RPGRIP1: variants seen among roughly 807,000 people sequenced by gnomAD.
The protein encoded by RPGRIP1 is RPGR interacting protein 1, also known as X-linked retinitis pigmentosa GTPase regulator-interacting protein 1.
Under a neutral mutation model 157.9 loss-of-function variants are expected in RPGRIP1, and 128 were observed. The ratio of observed to expected loss-of-function variants is 0.81; its 90% CI spans 0.70 to 0.94. RPGRIP1 has a LOEUF of 0.94. RPGRIP1 is among the 40% of genes least tolerant of loss of function. The probability of loss-of-function intolerance (pLI) is 0.00; values close to 1 mark genes in which losing one functional copy is unlikely to be tolerated. For synonymous variants in RPGRIP1, 554 were observed against 571.6 expected (o/e 0.97, Z 0.44); for missense variants, 1,486 against 1,545.8 (o/e 0.96, Z 0.65).
intron 24 of RPGRIP1, among the ~76,000 whole-genome samples, chr14:21,349,694 GCGCCCA>G (rs1885984227): frequency 6.6e-6 from 1 of 151,998 alleles, no homozygotes; most frequent in Admixed American, 6.6e-5. Context: ...GTGAGCCACC[GCGCCCA>G]GCCATATAAT....
rs1271664583 is a variant in RPGRIP1 at position 21,296,816 on chromosome 14, G to A, written c.218+2007G>A. On this transcript the variant is annotated intron_variant, in intron 3 of 24. Coordinates refer to ENST00000400017, the MANE Select transcript of RPGRIP1 (RefSeq NM_020366.4). The stretch of plus-strand genomic sequence containing the variant: ...CTAAAAATACAAAAATTAGCTGGGC[G>A]TGGTGGTGGGCGCCTGAAATCCCAG... Among the ~76,000 whole-genome samples, 7 of 151,732 alleles carry A rather than the reference G, an allele frequency of 4.6e-5. No individual in the cohort carries two copies. In the South Asian group the frequency reaches 6.2e-4, roughly 14 times the overall value.
rs35642254 is a variant in RPGRIP1 at position 21,280,241 on chromosome 14, CTT to C, written c.-39+101_-39+102del. 8.4e-3 allele frequency among the ~76,000 whole-genome samples: 922 copies of C among 109,370 alleles called. 9 individuals carry two copies. Among genetic ancestry groups the C allele is most frequent in the African/African-American group, 0.028 (820 of 28,840 alleles). 71.8% of individuals were successfully genotyped at this position (109,370 alleles called of 152,430 possible). ...TTGAGAAGAATGAAATAAGTTTATT[CTT>C]TTTTTTTTTTTTTTTTTTGAGACAG... On this transcript the variant is annotated intron_variant, in intron 1 of 24. Coordinates refer to ENST00000400017, the MANE Select transcript of RPGRIP1 (RefSeq NM_020366.4).
At chr14:21,320,593 C>CT (rs745797465) in intron 12 of RPGRIP1, among the ~76,000 whole-genome samples, 2 of 130,462 alleles carry the variant, frequency 1.5e-5, no homozygotes, top group Non-Finnish European at 3.3e-5. Context: ...GCCCGGCCCA[C>CT]TCTTTTTTTT....
rs769167245 is a variant in RPGRIP1, at chr14:21,324,804, C to T, written c.1949C>T (p.Pro650Leu). The T allele has an allele frequency of 4.3e-6, 7 of 1,613,954 alleles. No individual in the cohort carries two copies. Among genetic ancestry groups the T allele is most frequent in the South Asian group, 1.1e-5 (1 of 91,084 alleles). Residue 650 changes from proline (P) to leucine (L), a missense_variant, in exon 15 of 25, where the codon CCT becomes CTT. Pro to Leu is a moderately conservative substitution (Grantham distance 98, BLOSUM62 -3). Coordinates refer to ENST00000400017, the MANE Select transcript of RPGRIP1 (RefSeq NM_020366.4). ...AALAQAGDTQPTTFCTYSFYD... is the reference protein window; with the variant it reads ...AALAQAGDTQLTTFCTYSFYD... The stretch of plus-strand genomic sequence containing the variant: ...CTAGCTCAGGCTGGAGATACCCAAC[C>T]TACCACTTTCTGCACCTATTCCTTC...
chr14:21,327,921 C>A, intron 18 of RPGRIP1, 114 bp downstream of exon 18: 2 of 806,454 alleles, frequency 2.5e-6, no homozygotes, highest in Non-Finnish European at 3.7e-6. Flanking sequence ...GTAATCCCAG[C>A]ACTTTGGGAG....
rs1885183984 is a variant in RPGRIP1 at position 21,343,107 on chromosome 14, G to A, written c.3411G>A (p.Glu1137=). 2 of 1,613,300 alleles carry A rather than the reference G, an allele frequency of 1.2e-6. No individual in the cohort carries two copies. The highest frequency in any genetic ancestry group is 4.5e-5 in the East Asian group (2 of 44,884). The change falls in exon 22 of 25, where the codon GAG becomes GAA. Residue 1137 remains glutamate, a synonymous_variant. Transcript: ENST00000400017. ...CAGAGGCAGAAGTGATGTCTGATGA[G>A]AACATAAAACAGGTGTATGTGGAGT... The part of the protein sequence containing the change: ...FYPEAEVMSD[E]NIKQVYVEYK...
chr14:21,348,823 G>C (rs1241537965), intron 24 of RPGRIP1, among the ~76,000 whole-genome samples: 1 of 151,816 alleles, frequency 6.6e-6, no homozygotes, highest in South Asian at 2.1e-4. Context: ...ACCATGCCTG[G>C]CTAATTTTTG....
chr14:21,293,674 C>T (rs551718655), intron 2 of RPGRIP1, among the ~76,000 whole-genome samples: 199 of 152,058 alleles, frequency 1.3e-3, no homozygotes, highest in African/African-American at 4.6e-3. Context: ...GTCAAGAGAT[C>T]GAGACCATCC....
intron 14 of RPGRIP1, among the ~76,000 whole-genome samples, chr14:21,323,256 T>C (rs1193633543): frequency 2.6e-5 from 4 of 151,892 alleles, no homozygotes; most frequent in African/African-American, 9.7e-5. Flanking sequence ...ACCCCATCGC[T>C]ACTAAAAATA....
chr14:21,289,373 T>G lies in RPGRIP1; in HGVS notation c.85+1312T>G, dbSNP rs1185870413. 3.3e-5 allele frequency among the ~76,000 whole-genome samples: 5 copies of G among 152,122 alleles called. No individual in the cohort carries two copies. In the East Asian group the frequency reaches 9.7e-4, roughly 29 times the overall value. Reference sequence around the variant, plus strand: ...CATATTTTTCTAACTTTGGCCAGGCTTGGTGGCTCACACCTGCACCAGCTA... The same window carrying G: ...CATATTTTTCTAACTTTGGCCAGGCGTGGTGGCTCACACCTGCACCAGCTA... On this transcript the variant is annotated intron_variant, in intron 2 of 24. Coordinates refer to ENST00000400017, the MANE Select transcript of RPGRIP1 (RefSeq NM_020366.4).
chr14:21,286,350 A>C (rs564588276), intron 1 of RPGRIP1, among the ~76,000 whole-genome samples: 4 of 151,920 alleles, frequency 2.6e-5, no homozygotes, highest in Non-Finnish European at 5.9e-5. Context: ...AAAGGGAGGA[A>C]TCAAAGCTGC....
chr14:21,300,896 A>G, intron 3 of RPGRIP1, 70 bp from the exon 4 acceptor site: 1 of 1,521,522 alleles, frequency 6.6e-7, no homozygotes, highest in Non-Finnish European at 9.0e-7. Context: ...TCGTGATTAT[A>G]TGTCCCAAAT....
intron 22 of RPGRIP1, among the ~76,000 whole-genome samples, chr14:21,344,722 G>T (rs1351828259): frequency 6.6e-6 from 1 of 152,180 alleles, no homozygotes; most frequent in East Asian, 1.9e-4. Context: ...AAGGCGGGCA[G>T]ATTACTTGAG....
intron 2 of RPGRIP1, 128 bp from the exon 3 acceptor site, chr14:21,294,549 C>A: frequency 2.1e-6 from 2 of 941,450 alleles, no homozygotes; most frequent in Non-Finnish European, 3.1e-6. Context: ...CTCATACTTC[C>A]TGATTTCCTC....
Position 21,321,241 on chromosome 14 carries a change from A to G in RPGRIP1, c.1468-18A>G. The G allele has an allele frequency of 6.2e-7, 1 of 1,606,602 alleles. No homozygotes were observed. Among genetic ancestry groups the G allele is most frequent in the South Asian group, 1.1e-5 (1 of 89,572 alleles). On this transcript the variant is annotated intron_variant, in intron 12 of 24. Coordinates refer to ENST00000400017, the MANE Select transcript of RPGRIP1 (RefSeq NM_020366.4). The stretch of plus-strand genomic sequence containing the variant: ...GTCATATTTATACTCCCTTTTACCA[A>G]TGCGTTTCCCTCTACAGCCAAGTGA...
At chr14:21,291,383 T>A (rs527256962) in intron 2 of RPGRIP1, among the ~76,000 whole-genome samples, 1 of 152,278 alleles carries the variant, frequency 6.6e-6, no homozygotes, top group East Asian at 1.9e-4. Context: ...GGAGTTCCAG[T>A]CAGTTTGGAA....
At chr14:21,284,798 C>T (rs1467376460) in intron 1 of RPGRIP1, among the ~76,000 whole-genome samples, 3 of 152,000 alleles carry the variant, frequency 2.0e-5, no homozygotes, top group Non-Finnish European at 2.9e-5. Flanking sequence ...ATGATTTGCC[C>T]GCCTCAGCCT....
Position 21,312,497 on chromosome 14 carries a change from T to A in RPGRIP1, c.1142T>A (p.Leu381His), listed in dbSNP as rs779600963. 1.2e-6 allele frequency: 2 copies of A among 1,609,524 alleles called. No homozygotes were observed. The highest frequency in any genetic ancestry group is 4.5e-5 in the East Asian group (2 of 44,824). ...TTGCTGAATGACAATTATGACAAAC[T>A]CTTAGAAAGGTGAGTACCACATTTG... ...RKLLNDNYDK[L>H]LESMLDSSDS... Residue 381 changes from leucine to histidine, a missense_variant, in exon 10 of 25, where the codon CTC (leucine) becomes CAC (histidine). By Grantham distance (99) the Leu-to-His change is moderately conservative. Coordinates refer to ENST00000400017, the MANE Select transcript of RPGRIP1 (RefSeq NM_020366.4).
At chr14:21,308,550 C>T (rs898733451) in intron 7 of RPGRIP1, among the ~76,000 whole-genome samples, 1 of 152,160 alleles carries the variant, frequency 6.6e-6, no homozygotes, top group African/African-American at 2.4e-5. Flanking sequence ...GTCAGACCCA[C>T]CAGTGGGTGA....
Sources: gnomAD v4.1 joint callset for allele counts (sites outside exome capture counted in the v4.1 genomes callset) on GRCh38, gnomAD v4.1.1 for gene constraint, MANE v1.5 for transcripts, NCBI Gene and HGNC (gene_info 2026-07-23, HGNC 2026-07-21) for gene names.